Variants in SLC2A12 observed in about 807,000 individuals in gnomAD.
SLC2A12 encodes solute carrier family 2, facilitated glucose transporter member 12.
Under a neutral mutation model 41.8 loss-of-function variants are expected in SLC2A12, and 23 were observed. That is an observed-to-expected ratio of 0.55 (90% CI 0.40 to 0.78). The LOEUF (loss-of-function observed/expected upper bound fraction) is 0.78, where lower values mean the gene tolerates loss of function less well. SLC2A12 is among the 30% of genes least tolerant of loss of function. The pLI is 0.00. For missense variants in SLC2A12, 654 were observed against 745.6 expected (o/e 0.88, Z 1.43); for synonymous variants, 295 against 285.9 (o/e 1.03, Z -0.32).
chr6:134,050,382 A>C (rs1773657874), intron 1 of SLC2A12, among the ~76,000 whole-genome samples: 1 of 152,260 alleles, frequency 6.6e-6, no homozygotes, highest in Non-Finnish European at 1.5e-5. Flanking sequence ...CTACAAAATG[A>C]AAGTTAATTT....
chr6:134,048,911 G>A (rs1279547147), intron 1 of SLC2A12, among the ~76,000 whole-genome samples: 9 of 152,172 alleles, frequency 5.9e-5, no homozygotes, highest in South Asian at 2.1e-4. Flanking sequence ...CCAAGTCTCC[G>A]TCTCTTTTAC....
intron 2 of SLC2A12, among the ~76,000 whole-genome samples, chr6:134,019,484 G>T (rs1343067499): frequency 2.0e-5 from 3 of 152,208 alleles, no homozygotes; most frequent in African/African-American, 7.2e-5. Context: ...ATGATCAAGA[G>T]CACCCCAGAA....
intron 2 of SLC2A12, among the ~76,000 whole-genome samples, chr6:134,017,328 A>G (rs1363482614): frequency 1.3e-5 from 2 of 152,314 alleles, no homozygotes; most frequent in East Asian, 3.9e-4. Context: ...ATATTGGGTC[A>G]GAGTCATACC....
chr6:133,993,516 G>A (rs1776649158), intron 4 of SLC2A12, among the ~76,000 whole-genome samples: 2 of 152,084 alleles, frequency 1.3e-5, no homozygotes, highest in African/African-American at 2.4e-5. Flanking sequence ...ATTCAATGCC[G>A]AGCTTCGATT....
Position 134,006,909 on chromosome 6 carries a change from G to T in SLC2A12, c.1470C>A (p.Ile490=), listed in dbSNP as rs748825887. 2.2e-5 allele frequency: 35 copies of T among 1,614,056 alleles called. No homozygotes were observed. In the South Asian group the frequency reaches 3.5e-4, roughly 16 times the overall value. Residue 490 remains isoleucine, a synonymous_variant, in exon 3 of 5, where the codon ATC becomes ATA. Transcript: ENST00000275230. ...CTCGTCCTCTGATCCCACCAGGAAA[G>T]ATCTCGCTGAGCACCAGCCAGGGCA... ...GPMPWLVLSE[I]FPGGIRGRAM... is the part of the protein sequence containing the mutation.
intron 1 of SLC2A12, among the ~76,000 whole-genome samples, chr6:134,047,007 T>C (rs1220185335): frequency 6.6e-6 from 1 of 152,212 alleles, no homozygotes; most frequent in Non-Finnish European, 1.5e-5. Flanking sequence ...TTGGGGGATG[T>C]CACGTTCAGT....
chr6:134,009,509 G>A (rs1450498879), intron 2 of SLC2A12, among the ~76,000 whole-genome samples: 1 of 152,028 alleles, frequency 6.6e-6, no homozygotes, highest in Admixed American at 6.6e-5. Context: ...TGACAAGGAT[G>A]GCTCAACCTC....
At chr6:134,030,829 C>CTTT (rs1309591853) in intron 1 of SLC2A12, among the ~76,000 whole-genome samples, 5 of 152,182 alleles carry the variant, frequency 3.3e-5, no homozygotes. Context: ...ACAGTGATGA[C>CTTT]TTTTCATTGT....
chr6:133,995,050 AAC>A (rs1205423554), intron 4 of SLC2A12, among the ~76,000 whole-genome samples: 1 of 152,196 alleles, frequency 6.6e-6, no homozygotes, highest in African/African-American at 2.4e-5. Context: ...GAGTGGCCAT[AAC>A]AGTCTCACTG....
rs753082721 is a variant in SLC2A12, at chr6:134,002,039, T to C, written c.1658A>G (p.Lys553Arg). The C allele has an allele frequency of 1.9e-6, 3 of 1,607,842 alleles. No individual in the cohort carries two copies. In the East Asian group the frequency reaches 6.8e-5, roughly 36 times the overall value. Residue 553 changes from lysine to arginine, a missense_variant, in exon 4 of 5, where the codon AAG becomes AGG. Transcript: ENST00000275230. ...LFVVMFIPET[K>R]GCSLEQISME... ...TGATATTTGTTCCAAAGAGCATCCC[T>C]TTGTCTCAGGTATAAACATAACAAC...
At chr6:133,992,638 G>A (rs963885152) in intron 4 of SLC2A12, among the ~76,000 whole-genome samples, 5 of 152,170 alleles carry the variant, frequency 3.3e-5, no homozygotes, top group Admixed American at 2.6e-4. Flanking sequence ...CCTGAGTGAT[G>A]GAGGGAGAGA....
chr6:134,036,844 C>G (rs999481463), intron 1 of SLC2A12, among the ~76,000 whole-genome samples: 1 of 152,146 alleles, frequency 6.6e-6, no homozygotes, highest in African/African-American at 2.4e-5. Flanking sequence ...TGATATAGCA[C>G]CATTTCAGGG....
rs190309628 is a variant in SLC2A12 at position 133,996,926 on chromosome 6, A to G, written c.1700+5071T>C. Among the ~76,000 whole-genome samples the G allele has an allele frequency of 1.6e-4, 24 of 152,116 alleles. No homozygotes were observed. The East Asian group carries it at 4.3e-3, about 27-fold the overall frequency. ...CAGGCTGCTCACATTGTCATTTTAA[A>G]AGCTTTTGCCAACCTGTTGGTTCAG... On this transcript the variant is annotated intron_variant, in intron 4 of 4. Transcript: ENST00000275230.
At chr6:134,043,420 G>A (rs146433169) in intron 1 of SLC2A12, among the ~76,000 whole-genome samples, 1,562 of 152,244 alleles carry the variant, frequency 0.01, 17 homozygotes, top group Middle Eastern at 0.02. Flanking sequence ...ACACCATAAA[G>A]CTGTAGAATT....
rs140758825 is a variant in SLC2A12 at position 134,028,719 on chromosome 6, T to C, written c.1106A>G (p.His369Arg). 3.7e-6 allele frequency: 6 copies of C among 1,614,050 alleles called. No individual in the cohort carries two copies. The African/African-American group carries it at 6.7e-5, about 18-fold the overall frequency. The change falls in exon 2 of 5, where the codon CAC becomes CGC. Residue 369 changes from histidine (H) to arginine (R), a missense_variant. By Grantham distance (29) the His-to-Arg change is conservative. Transcript: ENST00000275230. ...TCTGCAGATATGGGTGAAGTTCATG[T>C]GGATGTTGAGATTTACGATGCCCAT... ...VTMGIVNLNIHMNFTHICRSH... is the reference protein window; with the variant it reads ...VTMGIVNLNIRMNFTHICRSH...
intron 2 of SLC2A12, chr6:134,008,960 CT>C: frequency 6.6e-6 from 1 of 152,434 alleles, no homozygotes; most frequent in Non-Finnish European, 1.5e-5. Flanking sequence ...ACCTCGTCAC[CT>C]TTCAAACCTC....
chr6:134,013,838 T>C (rs1319992693), intron 2 of SLC2A12, among the ~76,000 whole-genome samples: 3 of 152,224 alleles, frequency 2.0e-5, no homozygotes. Context: ...TATTTCCAGT[T>C]GTGTTTTTAA....
intron 4 of SLC2A12, among the ~76,000 whole-genome samples, chr6:133,994,216 A>G (rs1776656006): frequency 6.6e-6 from 1 of 152,236 alleles, no homozygotes; most frequent in Non-Finnish European, 1.5e-5. Context: ...TTTGTGGCCA[A>G]AGTAGTCGGA....
At chr6:134,027,868 C>T (rs1336949174) in intron 2 of SLC2A12, among the ~76,000 whole-genome samples, 5 of 152,184 alleles carry the variant, frequency 3.3e-5, no homozygotes, top group Non-Finnish European at 5.9e-5. Flanking sequence ...CCATGGGAGG[C>T]TACTCTAGTG....
Sources: allele counts gnomAD v4.1 joint callset (sites outside exome capture counted in the v4.1 genomes callset), GRCh38; gene constraint gnomAD v4.1.1; transcripts MANE v1.5; gene names NCBI Gene and HGNC (gene_info 2026-07-23, HGNC 2026-07-21).